The following CALD1 variants were observed in gnomAD, a reference collection of about 807,000 sequenced individuals.
The protein encoded by CALD1 is caldesmon.
CALD1 carries 33 observed loss-of-function variants against 99.9 expected under a neutral mutation model. The ratio of observed to expected loss-of-function variants is 0.33; its 90% CI spans 0.25 to 0.44. The LOEUF (loss-of-function observed/expected upper bound fraction) is 0.44, where lower values mean the gene tolerates loss of function less well. Among genes scored for constraint, CALD1 ranks in the 20% least tolerant of loss-of-function variants. The pLI, the probability that CALD1 is intolerant of heterozygous loss-of-function variation, is 1.00. For missense variants in CALD1, 861 were observed against 962.1 expected (o/e 0.89, Z 1.39); for synonymous variants, 310 against 325.0 (o/e 0.95, Z 0.50).
chr7:134,857,488 T>A (rs1325134958), intron 2 of CALD1, among the ~76,000 whole-genome samples: 1 of 152,038 alleles, frequency 6.6e-6, no homozygotes, highest in Non-Finnish European at 1.5e-5. Context: ...AGGCCCCAAC[T>A]GTGAGCCATT....
At position 134,835,664 on chromosome 7, in the gene CALD1, C is replaced by T. The variant is rs183411735; in HGVS notation, c.-129-8220C>T. On this transcript the variant is annotated intron_variant, in intron 1 of 14. Coordinates refer to ENST00000361675, the MANE Select transcript of CALD1 (RefSeq NM_033138.4). Reference sequence around the variant, plus strand: ...ATAATCCGATCGTGATGACGTGTAGCCTGAACTAGAATTTATTGACTTGAG... The same window carrying T: ...ATAATCCGATCGTGATGACGTGTAGTCTGAACTAGAATTTATTGACTTGAG... Among the ~76,000 whole-genome samples, 5 of 152,146 alleles carry T rather than the reference C, an allele frequency of 3.3e-5. No individual in the cohort carries two copies. The East Asian group carries it at 5.8e-4, about 18-fold the overall frequency.
At chr7:134,929,646 GTATATATATA>G (rs1159515485) in intron 4 of CALD1, among the ~76,000 whole-genome samples, 1 of 7,914 alleles carries the variant, frequency 1.3e-4, no homozygotes, top group African/African-American at 3.1e-4. Flanking sequence ...GTGTGTGTGT[GTATATATATA>G]TATATATATA....
At chr7:134,876,544 G>T (rs1043856519) in intron 3 of CALD1, among the ~76,000 whole-genome samples, 1 of 152,134 alleles carries the variant, frequency 6.6e-6, no homozygotes, top group Non-Finnish European at 1.5e-5. Flanking sequence ...GAAAAATAAA[G>T]AAAGATGAGT....
chr7:134,806,049 C>A (rs1343844039), intron 1 of CALD1, among the ~76,000 whole-genome samples: 1 of 152,232 alleles, frequency 6.6e-6, no homozygotes, highest in Non-Finnish European at 1.5e-5. Flanking sequence ...GTGTAAGCCA[C>A]CACACCCGGC....
At chr7:134,890,634 C>T (rs763803330) in intron 3 of CALD1, among the ~76,000 whole-genome samples, 4 of 152,172 alleles carry the variant, frequency 2.6e-5, no homozygotes, top group East Asian at 1.9e-4. Flanking sequence ...CAAGCTGAGA[C>T]GGAGTGTCAT....
At chr7:134,890,626 A>G (rs926953782) in intron 3 of CALD1, among the ~76,000 whole-genome samples, 5 of 152,192 alleles carry the variant, frequency 3.3e-5, no homozygotes, top group Non-Finnish European at 5.9e-5. Context: ...TCATAAGTCA[A>G]GCTGAGACGG....
the CALD1 span, among the ~76,000 whole-genome samples, chr7:134,739,186 A>T: frequency 6.6e-6 from 1 of 152,240 alleles, no homozygotes; most frequent in African/African-American, 2.4e-5. Context: ...AGCAAAAACT[A>T]TATGGAAGAG....
chr7:134,725,731 T>C, the CALD1 span, among the ~76,000 whole-genome samples: 49 of 152,362 alleles, frequency 3.2e-4, 1 homozygote, highest in African/African-American at 1.1e-3. Context: ...GTGATTACCT[T>C]AAGGATCTTG....
chr7:134,889,670 T>G (rs1385398909), intron 3 of CALD1, among the ~76,000 whole-genome samples: 1 of 152,182 alleles, frequency 6.6e-6, no homozygotes, highest in Non-Finnish European at 1.5e-5. Flanking sequence ...TCTGTCTCAG[T>G]TCTAGAGCGA....
intron 2 of CALD1, among the ~76,000 whole-genome samples, chr7:134,853,302 T>C (rs2132231901): frequency 6.6e-6 from 1 of 152,344 alleles, no homozygotes; most frequent in East Asian, 1.9e-4. Flanking sequence ...ATTTTATTTA[T>C]CTGCACCTAG....
the CALD1 span, among the ~76,000 whole-genome samples, chr7:134,713,873 T>C: frequency 6.6e-6 from 1 of 151,610 alleles, no homozygotes; most frequent in African/African-American, 2.4e-5. Flanking sequence ...CTGGGGAGGG[T>C]TGGTGATACG....
At position 134,820,957 on chromosome 7, in the gene CALD1, G is replaced by C. The variant is rs570256335; in HGVS notation, c.-129-22927G>C. Among the ~76,000 whole-genome samples the C allele has an allele frequency of 3.3e-5, 5 of 151,752 alleles. No homozygotes were observed. The East Asian group carries it at 5.8e-4, about 18-fold the overall frequency. On this transcript the variant is annotated intron_variant, in intron 1 of 14. Transcript: ENST00000361675. ...AACCACAGTAAACAGTGAAGGAGAG[G>C]GGAGGAGAAAAATGATGCAAACTAT...
chr7:134,821,240 A>G (rs1422362914), intron 1 of CALD1, among the ~76,000 whole-genome samples: 2 of 152,030 alleles, frequency 1.3e-5, no homozygotes, highest in African/African-American at 2.4e-5. Flanking sequence ...GTCTAGTGAT[A>G]ATATCTGTAG....
rs369228129 is a variant in CALD1, at chr7:134,824,963, C to T, written c.-129-18921C>T. On this transcript the variant is annotated intron_variant, in intron 1 of 14. Transcript: ENST00000361675. ...TTGGAATTTGTGTTATTCTCTGAGA[C>T]TTTAAGAATACTACCTTTCCTTCAG... 3.9e-5 allele frequency among the ~76,000 whole-genome samples: 6 copies of T among 152,224 alleles called. No individual in the cohort carries two copies. The South Asian group carries it at 1.2e-3, about 32-fold the overall frequency.
chr7:134,730,446 T>C, the CALD1 span, among the ~76,000 whole-genome samples: 1 of 152,146 alleles, frequency 6.6e-6, no homozygotes. Context: ...AATTCTTTCA[T>C]CCTCACAAGA....
intron 3 of CALD1, among the ~76,000 whole-genome samples, chr7:134,876,180 G>C (rs984664944): frequency 6.6e-6 from 1 of 152,174 alleles, no homozygotes; most frequent in Non-Finnish European, 1.5e-5. Flanking sequence ...GTGGCATCAT[G>C]AACCTCCGTC....
intron 2 of CALD1, among the ~76,000 whole-genome samples, chr7:134,860,767 C>T (rs1455755175): frequency 1.3e-5 from 2 of 152,176 alleles, no homozygotes; most frequent in Admixed American, 1.3e-4. Flanking sequence ...TGATTATCAA[C>T]ATGAATTATA....
chr7:134,831,790 G>T (rs1248215825), intron 1 of CALD1, among the ~76,000 whole-genome samples: 2 of 152,170 alleles, frequency 1.3e-5, no homozygotes, highest in African/African-American at 2.4e-5. Context: ...ATCTGTAGGG[G>T]TCCACAGCAA....
chr7:134,874,840 A>G (rs1801273546), intron 3 of CALD1, among the ~76,000 whole-genome samples: 1 of 152,180 alleles, frequency 6.6e-6, no homozygotes, highest in African/African-American at 2.4e-5. Context: ...TTTAAAATCC[A>G]TGGGGTCTCT....
Sources: gnomAD v4.1 joint callset for allele counts (sites outside exome capture counted in the v4.1 genomes callset) on GRCh38, gnomAD v4.1.1 for gene constraint, MANE v1.5 for transcripts, NCBI Gene and HGNC (gene_info 2026-07-23, HGNC 2026-07-21) for gene names.